Variants in RTTN observed in about 807,000 individuals in gnomAD.
RTTN encodes the protein rotatin.
Under a neutral mutation model 269.2 loss-of-function variants are expected in RTTN, and 182 were observed. That is an observed-to-expected ratio of 0.68 (90% CI 0.60 to 0.76). The LOEUF is 0.76. RTTN is among the 30% of genes least tolerant of loss of function. RTTN has a pLI of 0.00. For missense variants in RTTN, 2,545 were observed against 2,608.6 expected, an observed-to-expected ratio of 0.98 and a Z score of 0.53; for synonymous variants, 1,006 against 963.5, an observed-to-expected ratio of 1.04 and a Z score of -0.82.
intron 14 of RTTN, among the ~76,000 whole-genome samples, chr18:70,161,189 A>G (rs1199304366): frequency 6.6e-6 from 1 of 152,114 alleles, no homozygotes; most frequent in African/African-American, 2.4e-5. Context: ...ACAAAAATAT[A>G]GCCAGACACC....
rs73964495 is a variant in RTTN at position 70,074,119 on chromosome 18, G to T, written c.4565-125C>A. On this transcript the variant is annotated intron_variant, in intron 33 of 48. Coordinates refer to ENST00000640769, the MANE Select transcript of RTTN (RefSeq NM_173630.4). Reference sequence around the variant, plus strand: ...AAAGGAAAAAACTTATATGGATCTGGCTTCTGAGATAGACCACTATTTAAA... The same window carrying T: ...AAAGGAAAAAACTTATATGGATCTGTCTTCTGAGATAGACCACTATTTAAA... 8.9e-5 allele frequency: 50 copies of T among 560,702 alleles called. No individual in the cohort carries two copies. The African/African-American group carries it at 9.4e-4, about 11-fold the overall frequency. The allele number at this position is 560,702 out of a possible 1,614,324, so 34.7% of individuals were successfully genotyped here.
chr18:70,160,756 A>T (rs1004896225), intron 14 of RTTN, among the ~76,000 whole-genome samples: 3 of 152,174 alleles, frequency 2.0e-5, no homozygotes, highest in Admixed American at 6.5e-5. Flanking sequence ...AAATCAATGT[A>T]CAAAAATCAG....
intron 11 of RTTN, among the ~76,000 whole-genome samples, chr18:70,171,152 G>C (rs2061132896): frequency 6.6e-6 from 1 of 152,174 alleles, no homozygotes; most frequent in Non-Finnish European, 1.5e-5. Flanking sequence ...AATTTGGCAG[G>C]CATCAACAAA....
rs780054244 is a variant in RTTN, at chr18:70,148,938, T to A, written c.2272A>T (p.Lys758Ter). The A allele has an allele frequency of 6.2e-7, 1 of 1,613,496 alleles. No homozygotes were observed. Among genetic ancestry groups the A allele is most frequent in the African/African-American group, 1.3e-5 (1 of 74,884 alleles). Residue 758 changes from lysine (K) to a stop codon, truncating the protein, a stop_gained, in exon 17 of 49, where the codon AAG becomes TAG. Coordinates refer to ENST00000640769, the MANE Select transcript of RTTN (RefSeq NM_173630.4). LOFTEE classifies it high-confidence loss of function. ...ACTAGCAAAAGTCGCAGCATGGACTTTAATCGGGTAGTACACGGAAGCATC... is the reference window on the plus strand; with the variant it reads ...ACTAGCAAAAGTCGCAGCATGGACTATAATCGGGTAGTACACGGAAGCATC... ...EEMLPCTTRL[K>*]SMLRLLLVKK... is the part of the protein sequence containing the mutation.
chr18:70,119,143 G>C (rs774498604), intron 26 of RTTN, among the ~76,000 whole-genome samples: 13 of 151,972 alleles, frequency 8.6e-5, no homozygotes, highest in Non-Finnish European at 1.8e-4. Context: ...AAGTTAAGCT[G>C]TCCCTCTATG....
chr18:70,057,129 T>C (rs1022989942), intron 37 of RTTN, among the ~76,000 whole-genome samples: 1 of 152,236 alleles, frequency 6.6e-6, no homozygotes, highest in Non-Finnish European at 1.5e-5. Context: ...AAGCAAGAGA[T>C]ATTGGTCTAC....
intron 7 of RTTN, among the ~76,000 whole-genome samples, chr18:70,195,636 AGT>A (rs2061787427): frequency 6.6e-6 from 1 of 152,238 alleles, no homozygotes. Flanking sequence ...TCGTTTGTTC[AGT>A]GTTATACTTC....
intron 32 of RTTN, among the ~76,000 whole-genome samples, chr18:70,085,412 T>C (rs779090839): frequency 2.0e-5 from 3 of 152,150 alleles, no homozygotes; most frequent in Non-Finnish European, 4.4e-5. Flanking sequence ...GACAACCACC[T>C]GGATTCATGC....
chr18:70,147,364 C>A (rs2060421556), intron 17 of RTTN, among the ~76,000 whole-genome samples: 1 of 152,056 alleles, frequency 6.6e-6, no homozygotes, highest in South Asian at 2.1e-4. Flanking sequence ...ACATGCTGTA[C>A]AGGTTTGTAG....
Position 70,065,916 on chromosome 18 carries a change from G to A in RTTN, c.4660C>T (p.Pro1554Ser). 1 of 1,587,802 alleles carries A rather than the reference G, an allele frequency of 6.3e-7. No homozygotes were observed. Among genetic ancestry groups the A allele is most frequent in the Non-Finnish European group, 8.6e-7 (1 of 1,165,482 alleles). The change falls in exon 35 of 49, where the codon CCT becomes TCT. Residue 1554 changes from proline (P) to serine (S), a missense_variant. Transcript: ENST00000640769. ...SLSTSETTVA[P>S]SLGSTEFQPL... ...TGAAATTCAGTACTCCCCAATGAAGGTGCCACCTATGAATCAGTAAATTAT... is the reference window on the plus strand; with the variant it reads ...TGAAATTCAGTACTCCCCAATGAAGATGCCACCTATGAATCAGTAAATTAT...
intron 46 of RTTN, among the ~76,000 whole-genome samples, chr18:70,012,900 A>C (rs1177838130): frequency 6.6e-6 from 1 of 152,234 alleles, no homozygotes; most frequent in Non-Finnish European, 1.5e-5. Flanking sequence ...ATAAACAAAA[A>C]TTTTGTCTAC....
In RTTN at chr18:70,026,627, T is replaced by C. The variant is rs115765459; in HGVS notation, c.5824-1779A>G. 2.1e-3 allele frequency among the ~76,000 whole-genome samples: 316 copies of C among 152,304 alleles called. 1 individual carries two copies. Among genetic ancestry groups the C allele is most frequent in the African/African-American group, 7.4e-3 (307 of 41,566 alleles). ...CTTTAATAAATTACCTAGTCTCAGA[T>C]ATTTCTTCATAGCAAGGCAAGAACG... is the stretch of plus-strand genomic sequence containing the variant. On this transcript the variant is annotated intron_variant, in intron 43 of 48. Coordinates refer to ENST00000640769, the MANE Select transcript of RTTN (RefSeq NM_173630.4).
rs769752754 is a variant in RTTN, at chr18:70,139,640, G to A, written c.2747C>T (p.Ser916Leu). The A allele has an allele frequency of 2.5e-5, 41 of 1,613,026 alleles. No homozygotes were observed. Among genetic ancestry groups the A allele is most frequent in the Admixed American group, 1.7e-4 (10 of 59,952 alleles). Residue 916 changes from serine (S) to leucine (L), a missense_variant, in exon 21 of 49, where the codon TCG becomes TTG. Transcript: ENST00000640769. Reference protein sequence around the residue: ...VLCGDPVMRVSLSQQSSLLTV... With the variant: ...VLCGDPVMRVLLSQQSSLLTV... The stretch of plus-strand genomic sequence containing the variant: ...CAAAAGAGAAGACTGTTGCGAGAGC[G>A]AAACACGCATGACTGGATCACCACA...
intron 32 of RTTN, among the ~76,000 whole-genome samples, chr18:70,082,749 G>C (rs1338777064): frequency 3.9e-5 from 6 of 152,130 alleles, no homozygotes; most frequent in Non-Finnish European, 8.8e-5. Context: ...GCAGCACAGT[G>C]ACACAATCAT....
intron 27 of RTTN, among the ~76,000 whole-genome samples, chr18:70,110,327 G>C (rs118026741): frequency 6.6e-6 from 1 of 151,980 alleles, no homozygotes; most frequent in East Asian, 1.9e-4. Context: ...GATCGACGCA[G>C]AAGGCGGGTG....
intron 34 of RTTN, among the ~76,000 whole-genome samples, chr18:70,066,285 C>A (rs1211068019): frequency 6.6e-6 from 1 of 152,014 alleles, no homozygotes; most frequent in Admixed American, 6.5e-5. Context: ...TCTTGATTGA[C>A]AATAAAGATA....
intron 35 of RTTN, chr18:70,061,468 G>A: frequency 2.2e-6 from 1 of 455,370 alleles, no homozygotes; most frequent in Admixed American, 2.4e-5. Context: ...TATTTAGAGT[G>A]TCATTGTTTC....
In RTTN at chr18:70,114,624, T is replaced by C. The variant is rs764432828; in HGVS notation, c.3529-25A>G. 14 of 1,601,722 alleles carry C rather than the reference T, an allele frequency of 8.7e-6. No homozygotes were observed. In the South Asian group the frequency reaches 1.2e-4, roughly 14 times the overall value. Reference sequence around the variant, plus strand: ...TCTAAAAAATGAAATTTGTAAAAAATGTATTTACTAATTGAACTATATATT... The same window carrying C: ...TCTAAAAAATGAAATTTGTAAAAAACGTATTTACTAATTGAACTATATATT... On this transcript the variant is annotated intron_variant, in intron 26 of 48. Coordinates refer to ENST00000640769, the MANE Select transcript of RTTN (RefSeq NM_173630.4).
At chr18:70,177,857 C>G (rs1445908045) in intron 10 of RTTN, among the ~76,000 whole-genome samples, 1 of 152,118 alleles carries the variant, frequency 6.6e-6, no homozygotes, top group Non-Finnish European at 1.5e-5. Context: ...GGTGCAGCCA[C>G]TGTGGAAAAT....
Sources: gnomAD v4.1 joint callset for allele counts (sites outside exome capture counted in the v4.1 genomes callset) on GRCh38, gnomAD v4.1.1 for gene constraint, MANE v1.5 for transcripts, NCBI Gene and HGNC (gene_info 2026-07-23, HGNC 2026-07-21) for gene names.